Variants in RPS6KC1 observed in about 807,000 individuals in gnomAD.
RPS6KC1 encodes the protein inactive ribosomal protein S6 kinase delta-1.
A neutral mutation model predicts 103.8 loss-of-function variants in RPS6KC1; 54 were observed. That is an observed-to-expected ratio of 0.52 (90% CI 0.42 to 0.65). The LOEUF is 0.65. Among genes scored for constraint, RPS6KC1 ranks in the 30% least tolerant of loss-of-function variants. The probability of loss-of-function intolerance (pLI) is 0.00; values close to 1 mark genes in which losing one functional copy is unlikely to be tolerated. For missense variants in RPS6KC1, 1,151 were observed against 1,253.8 expected (o/e 0.92, Z 1.24); for synonymous variants, 439 against 438.7 (o/e 1.00, Z -0.01).
At chr1:213,706,466 T>G in the RPS6KC1 span, among the ~76,000 whole-genome samples, 1 of 152,182 alleles carries the variant, frequency 6.6e-6, no homozygotes, top group Non-Finnish European at 1.5e-5. Flanking sequence ...TATCAGTGAT[T>G]TAAGACTGTT....
chr1:213,546,705 C>T, the RPS6KC1 span, among the ~76,000 whole-genome samples: 3 of 152,172 alleles, frequency 2.0e-5, no homozygotes, highest in African/African-American at 7.2e-5. Context: ...TTTAGACTTA[C>T]AGAACTATTG....
At chr1:213,302,624 G>A in the RPS6KC1 span, among the ~76,000 whole-genome samples, 2 of 152,346 alleles carry the variant, frequency 1.3e-5, no homozygotes, top group East Asian at 1.9e-4. Context: ...CAAAGGCGGG[G>A]TTGACGTGTC....
chr1:213,080,889 A>G (rs2079814950), intron 3 of RPS6KC1, among the ~76,000 whole-genome samples: 1 of 152,264 alleles, frequency 6.6e-6, no homozygotes, highest in Admixed American at 6.5e-5. Context: ...ATGACAGAGC[A>G]AATATTGTTC....
intron 8 of RPS6KC1, among the ~76,000 whole-genome samples, chr1:213,184,871 T>A (rs182102047): frequency 2.8e-3 from 432 of 152,330 alleles, no homozygotes; most frequent in Admixed American, 7.8e-3. Flanking sequence ...ATGATTTTTT[T>A]AAAAATTCGC....
At chr1:213,245,704 T>G (rs1421685271) in intron 12 of RPS6KC1, among the ~76,000 whole-genome samples, 2 of 152,016 alleles carry the variant, frequency 1.3e-5, no homozygotes, top group Admixed American at 1.3e-4. Context: ...CTTGAGCAAA[T>G]GCCAAACTAG....
chr1:213,282,261 A>T, the RPS6KC1 span, among the ~76,000 whole-genome samples: 1 of 152,244 alleles, frequency 6.6e-6, no homozygotes, highest in Admixed American at 6.5e-5. Context: ...ATTATTGGGC[A>T]GGGTGACTGC....
intron 6 of RPS6KC1, among the ~76,000 whole-genome samples, chr1:213,160,029 T>C (rs1228660984): frequency 2.0e-5 from 3 of 152,228 alleles, no homozygotes; most frequent in East Asian, 1.9e-4. Flanking sequence ...ACTTGAGTTA[T>C]GCAGTTTTAT....
the RPS6KC1 span, among the ~76,000 whole-genome samples, chr1:213,577,117 C>G: frequency 6.6e-6 from 1 of 152,262 alleles, no homozygotes; most frequent in Non-Finnish European, 1.5e-5. Context: ...GGGAGGGACA[C>G]TGTTGGGAGG....
chr1:213,138,463 A>G (rs1418729714), intron 6 of RPS6KC1, among the ~76,000 whole-genome samples: 1 of 152,076 alleles, frequency 6.6e-6, no homozygotes, highest in Non-Finnish European at 1.5e-5. Flanking sequence ...CACCCAGGTA[A>G]TCGGTGTAAT....
chr1:213,376,935 C>T, the RPS6KC1 span, among the ~76,000 whole-genome samples: 2 of 152,052 alleles, frequency 1.3e-5, no homozygotes, highest in Admixed American at 6.5e-5. Context: ...GGCTTGTGGT[C>T]GGGGGGACCT....
At chr1:213,346,753 G>A in the RPS6KC1 span, among the ~76,000 whole-genome samples, 1,542 of 152,210 alleles carry the variant, frequency 0.01, 13 homozygotes, top group Non-Finnish European at 0.017. Flanking sequence ...TATGCAGTGC[G>A]ATTTTATAAA....
chr1:213,248,665 A>G (rs2094495310), intron 12 of RPS6KC1, among the ~76,000 whole-genome samples: 1 of 152,188 alleles, frequency 6.6e-6, no homozygotes, highest in Non-Finnish European at 1.5e-5. Context: ...CTTTAGGAGG[A>G]CTTGAGGGTC....
the RPS6KC1 span, among the ~76,000 whole-genome samples, chr1:213,672,709 C>G: frequency 6.6e-6 from 1 of 152,190 alleles, no homozygotes; most frequent in Non-Finnish European, 1.5e-5. Context: ...TAATAATTTT[C>G]AAATCATTAT....
chr1:213,252,929 A>G lies in RPS6KC1; in HGVS notation c.2912-8629A>G, dbSNP rs74139164. ...ATTTTGAGTATTACATAAACACTTTATTTACAATGATGGCTGCTTTTTAAT... is the reference window on the plus strand; with the variant it reads ...ATTTTGAGTATTACATAAACACTTTGTTTACAATGATGGCTGCTTTTTAAT... On this transcript the variant is annotated intron_variant, in intron 12 of 14. Coordinates refer to ENST00000366960, the MANE Select transcript of RPS6KC1 (RefSeq NM_012424.6). Among the ~76,000 whole-genome samples the G allele has an allele frequency of 2.4e-3, 369 of 152,306 alleles. 1 individual carries two copies. Among genetic ancestry groups the G allele is most frequent in the Middle Eastern group, 0.02 (6 of 294 alleles).
At chr1:213,489,559 A>G in the RPS6KC1 span, among the ~76,000 whole-genome samples, 1 of 152,200 alleles carries the variant, frequency 6.6e-6, no homozygotes, top group Non-Finnish European at 1.5e-5. Flanking sequence ...AGAACATAAC[A>G]CACCATCCTC....
chr1:213,362,327 C>G, the RPS6KC1 span, among the ~76,000 whole-genome samples: 1 of 152,182 alleles, frequency 6.6e-6, no homozygotes, highest in Admixed American at 6.5e-5. Flanking sequence ...CTAGAGCTGC[C>G]TAATACCTTC....
chr1:213,662,708 C>T, the RPS6KC1 span, among the ~76,000 whole-genome samples: 1 of 152,192 alleles, frequency 6.6e-6, no homozygotes, highest in Non-Finnish European at 1.5e-5. Flanking sequence ...TCTCATCAGC[C>T]TCCTGCTCCC....
the RPS6KC1 span, among the ~76,000 whole-genome samples, chr1:213,319,670 T>G: frequency 1.3e-5 from 2 of 152,178 alleles, no homozygotes; most frequent in South Asian, 4.2e-4. Flanking sequence ...ATTTAACTCT[T>G]TCCATCTTGA....
At chr1:213,288,738 C>T in the RPS6KC1 span, among the ~76,000 whole-genome samples, 1 of 152,134 alleles carries the variant, frequency 6.6e-6, no homozygotes, top group Non-Finnish European at 1.5e-5. Context: ...TGAACTCAAT[C>T]CCTACATTTT....
Sources: gnomAD v4.1 joint callset for allele counts (sites outside exome capture counted in the v4.1 genomes callset) on GRCh38, gnomAD v4.1.1 for gene constraint, MANE v1.5 for transcripts, NCBI Gene and HGNC (gene_info 2026-07-23, HGNC 2026-07-21) for gene names.